KLF16: variants seen among roughly 807,000 people sequenced by gnomAD.
The protein encoded by KLF16 is Krueppel-like factor 16.
A neutral mutation model predicts 6.1 loss-of-function variants in KLF16; 6 were observed. That is an observed-to-expected ratio of 0.98 (90% CI 0.54 to 1.93). KLF16 has a LOEUF of 1.93. Ranked by LOEUF, KLF16 falls within the 30% of genes most tolerant of loss-of-function variation. KLF16 has a pLI of 0.01. For missense variants in KLF16, 355 were observed against 363.8 expected, an observed-to-expected ratio of 0.98 and a Z score of 0.20; for synonymous variants, 211 against 176.5, an observed-to-expected ratio of 1.20 and a Z score of -1.55.
chr19:1,858,777 C>A (rs925581097), intron 1 of KLF16, among the ~76,000 whole-genome samples: 1 of 152,084 alleles, frequency 6.6e-6, no homozygotes, highest in Non-Finnish European at 1.5e-5. Flanking sequence ...ACCTGGGGGT[C>A]GGCAGGGGAC....
chr19:1,867,316 C>T (rs528212073), upstream of KLF16, among the ~76,000 whole-genome samples: 1 of 152,262 alleles, frequency 6.6e-6, no homozygotes, highest in East Asian at 1.9e-4. Flanking sequence ...ACGCCTGTAA[C>T]CCCAACACTT....
chr19:1,869,201 G>T, the KLF16 span, among the ~76,000 whole-genome samples: 5 of 152,218 alleles, frequency 3.3e-5, no homozygotes, highest in Non-Finnish European at 5.9e-5. Flanking sequence ...CTTTAGCCAG[G>T]CATGATGACT....
chr19:1,863,420 G>A lies in KLF16; in HGVS notation c.78C>T (p.His26=), dbSNP rs2012115276. ...LMAISSGAVV[H]RGRPGPEGAG... is the part of the protein sequence containing the mutation. ...CGCCCTCGGGGCCGGGCCGCCCGCG[G>A]TGCACCACGGCGCCCGAAGAGATGG... The change falls in exon 1 of 2, where the codon CAC becomes CAT. Residue 26 remains histidine, a synonymous_variant. Coordinates refer to ENST00000250916, the MANE Select transcript of KLF16 (RefSeq NM_031918.4). 6.9e-6 allele frequency: 7 copies of A among 1,016,196 alleles called. No individual in the cohort carries two copies. Among genetic ancestry groups the A allele is most frequent in the Non-Finnish European group, 8.2e-6 (7 of 851,046 alleles). 62.9% of individuals were successfully genotyped at this position (1,016,196 alleles called of 1,614,324 possible). A position where few individuals can be genotyped will look rare whatever the true frequency, so the allele number is the denominator to read the frequency against.
chr19:1,854,498 C>CGGGG lies in KLF16; in HGVS notation c.719_720insCCCC (p.Ser242AlafsTer21). The CGGGG allele has an allele frequency of 6.9e-7, 1 of 1,457,782 alleles. No individual in the cohort carries two copies. The highest frequency in any genetic ancestry group is 9.0e-7 in the Non-Finnish European group (1 of 1,116,390). 90.3% of individuals were successfully genotyped at this position (1,457,782 alleles called of 1,614,324 possible). A position where few individuals can be genotyped will look rare whatever the true frequency, so the allele number is the denominator to read the frequency against. On this transcript the variant is annotated frameshift_variant, in exon 2 of 2. Transcript: ENST00000250916. LOFTEE classifies it low-confidence loss of function (END_TRUNC). ...GGGCTGGGCTGGGCGCGGGGCTGGGCGCAGGGCTCCCGGCCAGGCTGCAGG... is the reference window on the plus strand; with the variant it reads ...GGGCTGGGCTGGGCGCGGGGCTGGGCGGGGGCAGGGCTCCCGGCCAGGCTGCAGG...
At chr19:1,859,239 T>C (rs1478390805) in intron 1 of KLF16, among the ~76,000 whole-genome samples, 1 of 151,930 alleles carries the variant, frequency 6.6e-6, no homozygotes, top group Non-Finnish European at 1.5e-5. Flanking sequence ...CATGGCTGCT[T>C]CCCCCTCTGG....
chr19:1,865,378 C>T (rs555884979), upstream of KLF16, among the ~76,000 whole-genome samples: 122 of 152,372 alleles, frequency 8.0e-4, no homozygotes, highest in Non-Finnish European at 1.2e-3. Flanking sequence ...CCCACCATCC[C>T]AGCAGCCCCC....
In KLF16 at chr19:1,863,365, C is replaced by T. The variant is rs1177605448; in HGVS notation, c.133G>A (p.Ala45Thr). 8.2e-5 allele frequency: 80 copies of T among 979,774 alleles called. No homozygotes were observed. Among genetic ancestry groups the T allele is most frequent in the Non-Finnish European group, 9.1e-5 (75 of 827,944 alleles). 60.7% of individuals were successfully genotyped at this position (979,774 alleles called of 1,614,324 possible). ...GGTGAGGCGGCCTCGCGGCGCGCCG[C>T]GCGCACATCCAGGCCGGCGGCGGGG... The part of the protein sequence containing the change: ...AGPAAGLDVR[A>T]ARREAASPGT... The change falls in exon 1 of 2, where the codon GCG (alanine) becomes ACG (threonine). Residue 45 changes from alanine to threonine, a missense_variant. Transcript: ENST00000250916.
At chr19:1,870,369 C>A in the KLF16 span, among the ~76,000 whole-genome samples, 3 of 152,084 alleles carry the variant, frequency 2.0e-5, no homozygotes, top group Non-Finnish European at 4.4e-5. Flanking sequence ...CCTAGAAAGG[C>A]ACCCAGGAAA....
In KLF16 at chr19:1,852,598, G is replaced by T. The variant is rs910462041; in HGVS notation, c.*1861C>A. The T allele has an allele frequency of 6.6e-6, 1 of 152,118 alleles. No homozygotes were observed. The highest frequency in any genetic ancestry group is 2.4e-5 in the African/African-American group (1 of 41,412). 9.4% of individuals were successfully genotyped at this position (152,118 alleles called of 1,614,324 possible). On this transcript the variant is annotated 3_prime_UTR_variant, in exon 2 of 2. Coordinates refer to ENST00000250916, the MANE Select transcript of KLF16 (RefSeq NM_031918.4). ...AGGTCTCTCCAAGCCCCTGGACACTGGAGAGGGGCCCAGTTATAGAGTTCT... is the reference window on the plus strand; with the variant it reads ...AGGTCTCTCCAAGCCCCTGGACACTTGAGAGGGGCCCAGTTATAGAGTTCT...
chr19:1,864,869 G>A (rs1257271511), upstream of KLF16, among the ~76,000 whole-genome samples: 1 of 152,218 alleles, frequency 6.6e-6, no homozygotes, highest in African/African-American at 2.4e-5. Context: ...CCCCTTCCCA[G>A]CTCCGGCGGG....
chr19:1,864,763 G>C (rs2012157405), upstream of KLF16, among the ~76,000 whole-genome samples: 3 of 152,180 alleles, frequency 2.0e-5, no homozygotes, highest in Non-Finnish European at 2.9e-5. Flanking sequence ...TAAATATTAG[G>C]GGGGACACCA....
At chr19:1,867,436 A>G (rs1453537437), upstream of KLF16, among the ~76,000 whole-genome samples, 1 of 152,228 alleles carries the variant, frequency 6.6e-6, no homozygotes, top group Non-Finnish European at 1.5e-5. Flanking sequence ...TTACCCAGGC[A>G]TGGTAGTGCA....
upstream of KLF16, among the ~76,000 whole-genome samples, chr19:1,864,144 C>G (rs2012140870): frequency 6.7e-6 from 1 of 150,166 alleles, no homozygotes; most frequent in Non-Finnish European, 1.5e-5. Flanking sequence ...CGGCGGGAGC[C>G]CGCCCCCTCC....
upstream of KLF16, among the ~76,000 whole-genome samples, chr19:1,867,957 T>TGTGTGTGTGTGTGC (rs1036455219): frequency 1.3e-5 from 2 of 150,564 alleles, no homozygotes; most frequent in African/African-American, 2.4e-5. Context: ...TGTGTGTGTG[T>TGTGTGTGTGTGTGC]GTGTGCGTGC....
the KLF16 span, among the ~76,000 whole-genome samples, chr19:1,868,699 C>T: frequency 4.7e-5 from 7 of 148,836 alleles, no homozygotes; most frequent in Middle Eastern, 3.5e-3. Flanking sequence ...GGCTGCAGTG[C>T]AATGGCACAA....
the KLF16 span, among the ~76,000 whole-genome samples, chr19:1,874,186 A>G: frequency 6.6e-6 from 1 of 152,222 alleles, no homozygotes; most frequent in African/African-American, 2.4e-5. Context: ...TTCAAAGAAG[A>G]TCACGGTGGG....
intron 1 of KLF16, among the ~76,000 whole-genome samples, chr19:1,858,491 G>A (rs539636348): frequency 4.9e-4 from 75 of 152,302 alleles, no homozygotes; most frequent in African/African-American, 1.7e-3. Flanking sequence ...GGGAGCAGAA[G>A]GCAGGCACTT....
chr19:1,863,985 A>G (rs1241819962), upstream of KLF16, among the ~76,000 whole-genome samples: 3 of 134,724 alleles, frequency 2.2e-5, no homozygotes, highest in East Asian at 2.4e-4. Context: ...CACCCCCTCA[A>G]GCCGGGGCGG....
chr19:1,873,251 C>A, the KLF16 span, among the ~76,000 whole-genome samples: 8 of 152,214 alleles, frequency 5.3e-5, no homozygotes, highest in African/African-American at 1.9e-4. Flanking sequence ...CACACACATG[C>A]TGGGACCCCA....
Sources: allele counts gnomAD v4.1 joint callset (sites outside exome capture counted in the v4.1 genomes callset), GRCh38; gene constraint gnomAD v4.1.1; transcripts MANE v1.5; gene names NCBI Gene and HGNC (gene_info 2026-07-23, HGNC 2026-07-21).